The following CTNNA3 variants were observed in gnomAD, a reference collection of about 807,000 sequenced individuals.
The protein encoded by CTNNA3 is catenin alpha-3.
In CTNNA3, 76 loss-of-function variants were observed where a neutral mutation model predicts 95.7. That is an observed-to-expected ratio of 0.79 (90% CI 0.66 to 0.96). The LOEUF is 0.96. CTNNA3 is among the 40% of genes least tolerant of loss of function. The pLI is 0.00. For missense variants in CTNNA3, 1,191 were observed against 1,089.8 expected (o/e 1.09, Z -1.31); for synonymous variants, 431 against 374.4 (o/e 1.15, Z -1.74).
At chr10:67,734,280 T>C (rs1841291040) in intron 1 of CTNNA3, among the ~76,000 whole-genome samples, 1 of 152,152 alleles carries the variant, frequency 6.6e-6, no homozygotes, top group Admixed American at 6.6e-5. Context: ...TCAGAATCAG[T>C]GTGCAGATAA....
At chr10:66,166,571 A>G (rs2085144814) in intron 13 of CTNNA3, among the ~76,000 whole-genome samples, 1 of 151,992 alleles carries the variant, frequency 6.6e-6, no homozygotes. Context: ...AACAAAAAGC[A>G]AAAAACTGGT....
chr10:66,310,028 G>T (rs2091995928), intron 12 of CTNNA3, among the ~76,000 whole-genome samples: 1 of 151,380 alleles, frequency 6.6e-6, no homozygotes, highest in African/African-American at 2.4e-5. Flanking sequence ...GGAGGCTGAG[G>T]CAGGAGAATC....
At chr10:67,119,864 T>C (rs1859371719) in intron 7 of CTNNA3, among the ~76,000 whole-genome samples, 1 of 151,934 alleles carries the variant, frequency 6.6e-6, no homozygotes, top group Non-Finnish European at 1.5e-5. Context: ...GTTCCTTGAT[T>C]ATGAAATACT....
intron 5 of CTNNA3, among the ~76,000 whole-genome samples, chr10:67,336,240 C>T (rs142266370): frequency 4.6e-5 from 7 of 152,120 alleles, no homozygotes; most frequent in Non-Finnish European, 2.9e-5. Context: ...AATTAATAAT[C>T]CTAAAATGAC....
At chr10:66,834,749 G>T (rs551183429) in intron 7 of CTNNA3, among the ~76,000 whole-genome samples, 2 of 152,276 alleles carry the variant, frequency 1.3e-5, no homozygotes, top group South Asian at 4.1e-4. Flanking sequence ...TAGAGCTCTC[G>T]TGAAAATCTT....
intron 2 of CTNNA3, among the ~76,000 whole-genome samples, chr10:67,640,733 T>C (rs576317601): frequency 2.6e-5 from 4 of 152,028 alleles, no homozygotes; most frequent in Admixed American, 1.3e-4. Context: ...TTGACAAACC[T>C]GACAAAAACA....
At chr10:66,289,815 C>G (rs912197094) in intron 12 of CTNNA3, among the ~76,000 whole-genome samples, 1 of 151,868 alleles carries the variant, frequency 6.6e-6, no homozygotes, top group Admixed American at 6.6e-5. Context: ...TTATAGAAAT[C>G]CAAAAACTTT....
At chr10:67,643,453 T>G (rs1188759605) in intron 2 of CTNNA3, among the ~76,000 whole-genome samples, 1 of 152,088 alleles carries the variant, frequency 6.6e-6, no homozygotes, top group South Asian at 2.1e-4. Context: ...ATCCTGCACA[T>G]GTACTCCTGA....
intron 11 of CTNNA3, among the ~76,000 whole-genome samples, chr10:66,501,166 A>G (rs1157617557): frequency 6.6e-6 from 1 of 152,216 alleles, no homozygotes; most frequent in African/African-American, 2.4e-5. Flanking sequence ...AAATTTGATT[A>G]TTATACATCT....
At chr10:66,553,517 CTTTTTTT>C (rs753973882) in intron 10 of CTNNA3, among the ~76,000 whole-genome samples, 13 of 52,216 alleles carry the variant, frequency 2.5e-4, no homozygotes, top group African/African-American at 3.6e-4. Context: ...CAATACTTTT[CTTTTTTT>C]TTTTTTTTTT....
At chr10:67,402,928 T>C (rs1844979153) in intron 5 of CTNNA3, among the ~76,000 whole-genome samples, 1 of 152,286 alleles carries the variant, frequency 6.6e-6, no homozygotes, top group South Asian at 2.1e-4. Context: ...TCCAGGGAGC[T>C]GAACAGCGTC....
rs540351831 is a variant in CTNNA3, at chr10:66,241,642, C to A, written c.1884+38828G>T. 6.0e-5 allele frequency among the ~76,000 whole-genome samples: 9 copies of A among 149,334 alleles called. 1 individual carries two copies. The highest frequency in any genetic ancestry group is 4.4e-4 in the South Asian group (2 of 4,544). On this transcript the variant is annotated intron_variant, in intron 13 of 17. Coordinates refer to ENST00000433211, the MANE Select transcript of CTNNA3 (RefSeq NM_013266.4). ...AATTAAACATCCCCCCACCCCCAGC[C>A]CCCCCACCTCCTCACGTGAGCTACT...
At chr10:66,968,609 A>T (rs775865621) in intron 7 of CTNNA3, among the ~76,000 whole-genome samples, 11 of 152,132 alleles carry the variant, frequency 7.2e-5, no homozygotes, top group Non-Finnish European at 1.5e-4. Flanking sequence ...CACCTAACAG[A>T]GAAAAGACAC....
At chr10:67,463,652 C>A (rs1474329689) in intron 5 of CTNNA3, among the ~76,000 whole-genome samples, 1 of 152,152 alleles carries the variant, frequency 6.6e-6, no homozygotes, top group Admixed American at 6.5e-5. Flanking sequence ...GCATCTACAA[C>A]TATAAATAAG....
intron 7 of CTNNA3, among the ~76,000 whole-genome samples, chr10:66,848,944 A>C (rs1006790555): frequency 6.6e-6 from 1 of 152,226 alleles, no homozygotes; most frequent in Non-Finnish European, 1.5e-5. Flanking sequence ...TAGATTGCAC[A>C]ACTGTGCATA....
chr10:66,235,046 C>A (rs1005791187), intron 13 of CTNNA3, among the ~76,000 whole-genome samples: 4 of 152,194 alleles, frequency 2.6e-5, no homozygotes, highest in Non-Finnish European at 5.9e-5. Flanking sequence ...ACGTAAGCTT[C>A]GAAGCAGACC....
intron 11 of CTNNA3, among the ~76,000 whole-genome samples, chr10:66,416,594 T>G (rs567456397): frequency 6.6e-6 from 1 of 151,596 alleles, no homozygotes; most frequent in South Asian, 2.1e-4. Context: ...ATAAGAAACC[T>G]CCATCAGAAC....
intron 7 of CTNNA3, among the ~76,000 whole-genome samples, chr10:66,922,300 T>A (rs1846829287): frequency 6.6e-6 from 1 of 152,212 alleles, no homozygotes. Context: ...TTGCTTCTGC[T>A]GAAAGGCAAA....
In CTNNA3 at chr10:66,399,780, T is replaced by C. The variant is rs117055729; in HGVS notation, c.1532-20428A>G. Among the ~76,000 whole-genome samples, 47 of 152,156 alleles carry C rather than the reference T, an allele frequency of 3.1e-4. No individual in the cohort carries two copies. In the East Asian group the frequency reaches 7.7e-3, roughly 25 times the overall value. ...TACTGCTTTCTCTATAACTGGCTTATATGACATATGTTCAGCTCTTTAAGT... is the reference window on the plus strand; with the variant it reads ...TACTGCTTTCTCTATAACTGGCTTACATGACATATGTTCAGCTCTTTAAGT... On this transcript the variant is annotated intron_variant, in intron 11 of 17. Coordinates refer to ENST00000433211, the MANE Select transcript of CTNNA3 (RefSeq NM_013266.4).
Sources: allele counts gnomAD v4.1 joint callset (sites outside exome capture counted in the v4.1 genomes callset), GRCh38; gene constraint gnomAD v4.1.1; transcripts MANE v1.5; gene names NCBI Gene and HGNC (gene_info 2026-07-23, HGNC 2026-07-21).